The following ADCK1 variants were observed in gnomAD, a reference collection of about 807,000 sequenced individuals.
ADCK1 encodes aarF domain containing kinase 1.
In ADCK1, 41 loss-of-function variants were observed where a neutral mutation model predicts 52.3. That is an observed-to-expected ratio of 0.78 (90% CI 0.61 to 1.02). ADCK1 has a LOEUF of 1.02. Among genes scored for constraint, ADCK1 ranks in the 50% least tolerant of loss-of-function variants. The pLI, the probability that ADCK1 is intolerant of heterozygous loss-of-function variation, is 0.00. For synonymous variants in ADCK1, 250 were observed against 274.6 expected, an observed-to-expected ratio of 0.91 and a Z score of 0.89; for missense variants, 658 against 679.5, an observed-to-expected ratio of 0.97 and a Z score of 0.35.
rs1322895861 is a variant in ADCK1 at position 77,933,430 on chromosome 14, ACTC to A, written c.*43_*45del. The stretch of plus-strand genomic sequence containing the variant: ...CCCTGCCCCATTCTGGTGTCTTTCC[ACTC>A]CTCAGCCCCTCATCTTGCCTCCACC... On this transcript the variant is annotated 3_prime_UTR_variant, in exon 11 of 11. Coordinates refer to ENST00000238561, the MANE Select transcript of ADCK1 (RefSeq NM_020421.4). The A allele has an allele frequency of 6.2e-7, 1 of 1,603,138 alleles. No individual in the cohort carries two copies.
rs2079064439 is a variant in ADCK1, at chr14:77,899,223, G to A, written c.706G>A (p.Val236Met). Reference protein sequence around the residue: ...FLNEGRNAEKVSQMLRHFDFL... With the variant: ...FLNEGRNAEKMSQMLRHFDFL... ...CAATGAAGGGAGGAATGCTGAGAAG[G>A]TGTCCCAGATGCTCAGGCATTTTGA... is the stretch of plus-strand genomic sequence containing the variant. The change falls in exon 6 of 11, where the codon GTG becomes ATG. Residue 236 changes from valine to methionine, a missense_variant. Coordinates refer to ENST00000238561, the MANE Select transcript of ADCK1 (RefSeq NM_020421.4). 6.2e-7 allele frequency: 1 copy of A among 1,614,196 alleles called. No individual in the cohort carries two copies. Among genetic ancestry groups the A allele is most frequent in the Non-Finnish European group, 8.5e-7 (1 of 1,180,030 alleles).
At chr14:77,818,876 A>G in intron 1 of ADCK1, 92 bp from the exon 2 acceptor site, 2 of 1,438,690 alleles carry the variant, frequency 1.4e-6, no homozygotes, top group Non-Finnish European at 1.9e-6. Context: ...AGGTCATATA[A>G]TCTAAGTGGT....
chr14:77,861,355 T>C (rs774700464), intron 4 of ADCK1, among the ~76,000 whole-genome samples: 2 of 151,838 alleles, frequency 1.3e-5, no homozygotes, highest in African/African-American at 2.4e-5. Context: ...ACTTTCCCAG[T>C]GTGTGGGTGG....
intron 7 of ADCK1, among the ~76,000 whole-genome samples, chr14:77,916,232 C>A (rs1013593777): frequency 6.6e-6 from 1 of 151,994 alleles, no homozygotes; most frequent in Non-Finnish European, 1.5e-5. Flanking sequence ...TCCCTAGGAC[C>A]CCTCCCACCT....
At chr14:77,802,662 G>C (rs547429941) in intron 1 of ADCK1, among the ~76,000 whole-genome samples, 81 of 152,200 alleles carry the variant, frequency 5.3e-4, no homozygotes, top group African/African-American at 1.9e-3. Context: ...ATTAAAATTT[G>C]GTTCCTAGCC....
At chr14:77,836,249 G>A (rs769379195) in intron 3 of ADCK1, among the ~76,000 whole-genome samples, 12 of 152,176 alleles carry the variant, frequency 7.9e-5, no homozygotes, top group Non-Finnish European at 8.8e-5. Context: ...TCTTGGTCAT[G>A]GGCTTCCCAG....
intron 1 of ADCK1, among the ~76,000 whole-genome samples, chr14:77,800,885 C>T (rs1285954775): frequency 6.6e-6 from 1 of 152,190 alleles, no homozygotes; most frequent in Non-Finnish European, 1.5e-5. Flanking sequence ...GAAATATTTG[C>T]AGAGTTGAAG....
chr14:77,818,013 C>T (rs1475783217), intron 1 of ADCK1, among the ~76,000 whole-genome samples: 4 of 151,970 alleles, frequency 2.6e-5, no homozygotes, highest in Admixed American at 2.6e-4. Context: ...GCTGGGATTA[C>T]AGGCGTGAGC....
intron 3 of ADCK1, among the ~76,000 whole-genome samples, chr14:77,842,507 CCTTCCTT>C (rs1327935770): frequency 1.6e-4 from 22 of 139,904 alleles, no homozygotes; most frequent in African/African-American, 5.7e-4. Flanking sequence ...TTCCTTCCTT[CCTTCCTT>C]CATTTCCTCC....
At chr14:77,871,119 A>G (rs777957561) in intron 4 of ADCK1, among the ~76,000 whole-genome samples, 6 of 152,210 alleles carry the variant, frequency 3.9e-5, no homozygotes, top group Non-Finnish European at 8.8e-5. Context: ...TCCTAAAAAC[A>G]AACAATAATT....
At chr14:77,915,588 T>C (rs1348628094) in intron 7 of ADCK1, among the ~76,000 whole-genome samples, 1 of 151,936 alleles carries the variant, frequency 6.6e-6, no homozygotes, top group East Asian at 1.9e-4. Flanking sequence ...CCATAAAAAA[T>C]GATGAGTTCA....
chr14:77,824,402 C>T (rs1050795899), intron 3 of ADCK1, among the ~76,000 whole-genome samples: 2 of 151,744 alleles, frequency 1.3e-5, no homozygotes, highest in African/African-American at 4.8e-5. Flanking sequence ...CCCTTGTCCC[C>T]AAAATGTCTT....
chr14:77,813,817 T>C (rs2081384645), intron 1 of ADCK1, among the ~76,000 whole-genome samples: 1 of 151,850 alleles, frequency 6.6e-6, no homozygotes, highest in Non-Finnish European at 1.5e-5. Flanking sequence ...ACCCACGCTG[T>C]AGTGCGCAGT....
intron 1 of ADCK1, among the ~76,000 whole-genome samples, chr14:77,809,490 T>C (rs1185461655): frequency 1.3e-5 from 2 of 151,822 alleles, no homozygotes; most frequent in African/African-American, 4.8e-5. Context: ...CCACCACGCC[T>C]GGCTAATTTT....
At chr14:77,899,319 G>A (rs1486544331) in intron 6 of ADCK1, 61 bp downstream of exon 6, 2 of 1,590,054 alleles carry the variant, frequency 1.3e-6, no homozygotes, top group Non-Finnish European at 1.7e-6. Context: ...GCGGTATGTG[G>A]GTCCCTGCCT....
intron 9 of ADCK1, among the ~76,000 whole-genome samples, chr14:77,927,050 G>A (rs778170577): frequency 7.9e-5 from 12 of 152,130 alleles, no homozygotes; most frequent in Admixed American, 2.6e-4. Flanking sequence ...AGAAAGCCCT[G>A]GGCTCCAGCG....
intron 3 of ADCK1, among the ~76,000 whole-genome samples, chr14:77,854,435 G>C (rs776725381): frequency 3.3e-5 from 5 of 152,024 alleles, no homozygotes; most frequent in Middle Eastern, 3.2e-3. Flanking sequence ...GATTAATCCT[G>C]TTTTTTATTT....
intron 6 of ADCK1, among the ~76,000 whole-genome samples, chr14:77,905,361 A>G (rs1324733300): frequency 1.6e-5 from 2 of 127,656 alleles, no homozygotes; most frequent in Non-Finnish European, 3.1e-5. Context: ...CCGTGGCTGG[A>G]GTACAGTGGC....
At chr14:77,866,910 C>T (rs1594970455) in intron 4 of ADCK1, among the ~76,000 whole-genome samples, 1 of 152,176 alleles carries the variant, frequency 6.6e-6, no homozygotes, top group Non-Finnish European at 1.5e-5. Flanking sequence ...CTGACTCCAC[C>T]TGTGCCTGCA....
Sources: gnomAD v4.1 joint callset for allele counts (sites outside exome capture counted in the v4.1 genomes callset) on GRCh38, gnomAD v4.1.1 for gene constraint, MANE v1.5 for transcripts, NCBI Gene and HGNC (gene_info 2026-07-23, HGNC 2026-07-21) for gene names.